The following ADGRL2 variants were observed in gnomAD, a reference collection of about 807,000 sequenced individuals.
ADGRL2 encodes the protein calcium-independent alpha-latrotoxin receptor 2.
ADGRL2 carries 44 observed loss-of-function variants against 157.4 expected under a neutral mutation model. The observed-to-expected ratio is 0.28, with a 90% CI of 0.22 to 0.36. The LOEUF is 0.36. Ranked by LOEUF, ADGRL2 falls within the 10% of genes least tolerant of loss-of-function variation. ADGRL2 has a pLI of 1.00. For missense variants in ADGRL2, 1,510 were observed against 1,768.9 expected, an observed-to-expected ratio of 0.85 and a Z score of 2.63; for synonymous variants, 585 against 624.7, an observed-to-expected ratio of 0.94 and a Z score of 0.95.
intron 2 of ADGRL2, among the ~76,000 whole-genome samples, chr1:81,544,217 G>A (rs899475924): frequency 1.3e-5 from 2 of 152,054 alleles, no homozygotes; most frequent in African/African-American, 2.4e-5. Flanking sequence ...AGTGCAGGGA[G>A]GTACAGATTT....
At chr1:81,581,403 C>T (rs969032032) in intron 3 of ADGRL2, among the ~76,000 whole-genome samples, 3 of 152,238 alleles carry the variant, frequency 2.0e-5, no homozygotes, top group Admixed American at 6.5e-5. Flanking sequence ...AAATCTTTAT[C>T]AGATTCAGCA....
intron 3 of ADGRL2, among the ~76,000 whole-genome samples, chr1:81,677,920 C>T (rs1165834617): frequency 1.3e-5 from 2 of 152,188 alleles, no homozygotes; most frequent in African/African-American, 2.4e-5. Context: ...TACCATTTCT[C>T]ATCATATACC....
At chr1:81,939,018 ATG>A (rs1312562319) in intron 4 of ADGRL2, among the ~76,000 whole-genome samples, 7 of 151,538 alleles carry the variant, frequency 4.6e-5, no homozygotes, top group Non-Finnish European at 5.9e-5. Context: ...AACATTTATT[ATG>A]TGTTTTTTAC....
At chr1:81,657,513 T>A (rs1419155013) in intron 3 of ADGRL2, among the ~76,000 whole-genome samples, 1 of 152,096 alleles carries the variant, frequency 6.6e-6, no homozygotes, top group East Asian at 1.9e-4. Flanking sequence ...AATGAAGGAA[T>A]TCTTTCATGG....
intron 2 of ADGRL2, among the ~76,000 whole-genome samples, chr1:81,505,526 C>T (rs970492907): frequency 1.3e-5 from 2 of 150,620 alleles, no homozygotes; most frequent in Non-Finnish European, 2.9e-5. Flanking sequence ...CCCTCAAGGA[C>T]AACAGCAGGG....
At chr1:81,923,725 A>G (rs1037276973) in intron 3 of ADGRL2, among the ~76,000 whole-genome samples, 3 of 152,174 alleles carry the variant, frequency 2.0e-5, no homozygotes, top group African/African-American at 7.2e-5. Context: ...GAAGGTATTT[A>G]AATTGAGTAC....
At chr1:81,969,687 T>C (rs1400266138) in intron 15 of ADGRL2, among the ~76,000 whole-genome samples, 1 of 152,166 alleles carries the variant, frequency 6.6e-6, no homozygotes, top group Non-Finnish European at 1.5e-5. Context: ...AAAATTCTTA[T>C]TTTGTTTACA....
intron 2 of ADGRL2, among the ~76,000 whole-genome samples, chr1:81,770,350 A>C (rs2086310449): frequency 6.7e-6 from 1 of 150,046 alleles, no homozygotes; most frequent in South Asian, 2.1e-4. Context: ...TTTCATAGAG[A>C]TGGGGCTTCA....
chr1:81,353,434 T>C (rs1319617341), intron 1 of ADGRL2, among the ~76,000 whole-genome samples: 1 of 152,150 alleles, frequency 6.6e-6, no homozygotes, highest in African/African-American at 2.4e-5. Context: ...AGAGTTCTGA[T>C]GGCTGGGCCT....
intron 3 of ADGRL2, among the ~76,000 whole-genome samples, chr1:81,667,847 A>G (rs747996498): frequency 1.9e-4 from 29 of 152,164 alleles, no homozygotes; most frequent in Non-Finnish European, 3.8e-4. Context: ...AAATATTATA[A>G]GTAATAAAAT....
At chr1:81,404,506 T>G (rs938707455) in intron 1 of ADGRL2, among the ~76,000 whole-genome samples, 5 of 152,164 alleles carry the variant, frequency 3.3e-5, no homozygotes, top group African/African-American at 1.2e-4. Context: ...AGGATGCTAT[T>G]GGGCCAAGGC....
intron 2 of ADGRL2, among the ~76,000 whole-genome samples, chr1:81,459,478 A>G (rs2077876534): frequency 6.6e-6 from 1 of 152,194 alleles, no homozygotes; most frequent in Admixed American, 6.5e-5. Context: ...AGGTTCATCC[A>G]TGTCACATAT....
At chr1:81,439,186 T>C (rs563315304) in intron 1 of ADGRL2, among the ~76,000 whole-genome samples, 19 of 152,268 alleles carry the variant, frequency 1.2e-4, no homozygotes, top group Admixed American at 8.5e-4. Context: ...TCTGTGCCCA[T>C]GGACAACCGC....
chr1:81,841,667 A>G (rs1328460674), intron 2 of ADGRL2, among the ~76,000 whole-genome samples: 1 of 152,172 alleles, frequency 6.6e-6, no homozygotes, highest in Non-Finnish European at 1.5e-5. Flanking sequence ...TTGTGTATAT[A>G]TGTGCACGCG....
chr1:81,400,002 C>A (rs762717151), intron 1 of ADGRL2, among the ~76,000 whole-genome samples: 1 of 151,434 alleles, frequency 6.6e-6, no homozygotes, highest in Non-Finnish European at 1.5e-5. Context: ...GGTGTAGTGA[C>A]TGTTTTTCCA....
chr1:81,389,875 C>CA (rs879317636), intron 1 of ADGRL2, among the ~76,000 whole-genome samples: 4 of 151,600 alleles, frequency 2.6e-5, no homozygotes, highest in Admixed American at 1.3e-4. Context: ...ATTTAAAAAA[C>CA]AAAAAAAGAA....
chr1:81,496,491 G>C (rs1031316407), intron 2 of ADGRL2, among the ~76,000 whole-genome samples: 1 of 152,144 alleles, frequency 6.6e-6, no homozygotes, highest in Admixed American at 6.5e-5. Context: ...GATTTGAAAA[G>C]AGATGGGTCG....
intron 2 of ADGRL2, among the ~76,000 whole-genome samples, chr1:81,509,986 A>G (rs980594536): frequency 5.3e-5 from 8 of 152,224 alleles, no homozygotes; most frequent in African/African-American, 1.7e-4. Flanking sequence ...CAAGTCCAAA[A>G]AAAGAAAGTT....
intron 2 of ADGRL2, among the ~76,000 whole-genome samples, chr1:81,518,109 T>C (rs1403365236): frequency 1.3e-5 from 2 of 152,264 alleles, no homozygotes; most frequent in East Asian, 3.8e-4. Context: ...AGTTCAGTTC[T>C]GCGTGACAGG....
Sources: gnomAD v4.1 joint callset for allele counts (sites outside exome capture counted in the v4.1 genomes callset) on GRCh38, gnomAD v4.1.1 for gene constraint, MANE v1.5 for transcripts, NCBI Gene and HGNC (gene_info 2026-07-23, HGNC 2026-07-21) for gene names.